Variants in CHD4 observed in about 807,000 individuals in gnomAD.
The protein encoded by CHD4 is chromodomain helicase DNA binding protein 4.
A neutral mutation model predicts 235.5 loss-of-function variants in CHD4; 35 were observed. That is an observed-to-expected ratio of 0.15 (90% confidence interval 0.11 to 0.20). CHD4 has a LOEUF of 0.20. Ranked by LOEUF, CHD4 falls within the 10% of genes least tolerant of loss-of-function variation. The pLI, the probability that CHD4 is intolerant of heterozygous loss-of-function variation, is 1.00. For synonymous variants in CHD4, 900 were observed against 850.2 expected, an observed-to-expected ratio of 1.06 and a Z score of -1.02; for missense variants, 1,329 against 2,432.3, an observed-to-expected ratio of 0.55 and a Z score of 9.54.
At position 6,592,377 on chromosome 12, in the gene CHD4, G is replaced by A; in HGVS notation, c.2948+16C>T. 1 of 1,566,546 alleles carries A rather than the reference G, an allele frequency of 6.4e-7. No homozygotes were observed. Among genetic ancestry groups the A allele is most frequent in the Non-Finnish European group, 8.7e-7 (1 of 1,156,036 alleles). On this transcript the variant is annotated intron_variant, in intron 19 of 39. Coordinates refer to ENST00000544040, the MANE Select transcript of CHD4 (RefSeq NM_001273.5). The stretch of plus-strand genomic sequence containing the variant: ...AGATGTCTAAATGGAGTCTGCTTCT[G>A]TCCCTCCCAACTCACTTCTGCATAG...
In CHD4 at chr12:6,601,665, G is replaced by A. The variant is rs1312282233; in HGVS notation, c.540C>T (p.Ala180=). Residue 180 remains alanine (A), a synonymous_variant, in exon 5 of 40, where the codon GCC becomes GCT. Coordinates refer to ENST00000544040, the MANE Select transcript of CHD4 (RefSeq NM_001273.5). ...TGTTTTACCTGACAAACTGGCTGAA[G>A]GCCTTGTAGTTGGTGAGGGTTCGAT... ...EDYRTLTNYK[A]FSQFVRPLIA... 12 of 1,614,062 alleles carry A rather than the reference G, an allele frequency of 7.4e-6. No homozygotes were observed. The highest frequency in any genetic ancestry group is 1.0e-5 in the Non-Finnish European group (12 of 1,180,016).
At chr12:6,601,813 C>T (rs373036622) in intron 4 of CHD4, 47 bp from the exon 5 acceptor site, 34 of 1,581,656 alleles carry the variant, frequency 2.1e-5, no homozygotes, top group Non-Finnish European at 2.7e-5. Flanking sequence ...CTAGTGCCCA[C>T]ACTTGCTAAG....
At chr12:6,574,158 A>G (rs1451945013) in intron 37 of CHD4, among the ~76,000 whole-genome samples, 1 of 152,034 alleles carries the variant, frequency 6.6e-6, no homozygotes, top group Non-Finnish European at 1.5e-5. Context: ...GTTTTTAAAA[A>G]CTGTTTCTGT....
At chr12:6,599,237 G>C (rs1948548494) in intron 10 of CHD4, among the ~76,000 whole-genome samples, 1 of 152,132 alleles carries the variant, frequency 6.6e-6, no homozygotes. Flanking sequence ...TTCAAGACCA[G>C]CCTGGGCAAC....
intron 37 of CHD4, among the ~76,000 whole-genome samples, chr12:6,577,347 A>G (rs1276896458): frequency 6.7e-6 from 1 of 149,038 alleles, no homozygotes; most frequent in Non-Finnish European, 1.5e-5. Context: ...ACTTAAACCC[A>G]GGACACAGAG....
intron 9 of CHD4, 47 bp downstream of exon 9, chr12:6,600,170 C>A: frequency 6.2e-7 from 1 of 1,604,904 alleles, no homozygotes; most frequent in South Asian, 1.1e-5. Flanking sequence ...TACTGTCCCA[C>A]CCTTCTTCTC....
intron 25 of CHD4, among the ~76,000 whole-genome samples, chr12:6,586,244 A>G (rs1948292367): frequency 6.6e-6 from 1 of 150,744 alleles, no homozygotes; most frequent in Non-Finnish European, 1.5e-5. Flanking sequence ...TAAAAATACA[A>G]AAAAAATTAG....
intron 25 of CHD4, 85 bp downstream of exon 25, chr12:6,587,299 C>T: frequency 1.4e-6 from 2 of 1,388,964 alleles, no homozygotes; most frequent in Non-Finnish European, 2.0e-6. Flanking sequence ...CAGATATTTT[C>T]CACTTGTCTC....
In CHD4 at chr12:6,593,251, C is replaced by T; in HGVS notation, c.2515-23G>A. ...TTTCTGCACATGAAGGCAACTTGGTCACTACTAGTCAGTTCCTCTGTGTAA... is the reference window on the plus strand; with the variant it reads ...TTTCTGCACATGAAGGCAACTTGGTTACTACTAGTCAGTTCCTCTGTGTAA... On this transcript the variant is annotated intron_variant, in intron 16 of 39. Transcript: ENST00000544040. This position sits in a 1 kb window ranked among gnomAD's most constrained non-coding sequence, Gnocchi z 4.9. The T allele has an allele frequency of 6.2e-7, 1 of 1,613,684 alleles. No homozygotes were observed. The highest frequency in any genetic ancestry group is 8.5e-7 in the Non-Finnish European group (1 of 1,179,924).
intron 22 of CHD4, among the ~76,000 whole-genome samples, chr12:6,589,821 A>T (rs1435415734): frequency 2.6e-5 from 4 of 152,140 alleles, no homozygotes; most frequent in Admixed American, 2.0e-4. Context: ...CTTGCCCAGA[A>T]TGTCTAATCT....
At chr12:6,586,345 G>A (rs1052471995) in intron 25 of CHD4, among the ~76,000 whole-genome samples, 2 of 150,744 alleles carry the variant, frequency 1.3e-5, no homozygotes, top group East Asian at 2.0e-4. Context: ...AGCTTGCAGT[G>A]AGCCAAGATC....
chr12:6,573,449 C>T (rs1464732262), intron 37 of CHD4, 180 bp from the exon 38 acceptor site: 1 of 419,836 alleles, frequency 2.4e-6, no homozygotes, highest in East Asian at 3.7e-5. Flanking sequence ...TTTTTCTTTC[C>T]CTTTTTCAAT....
At chr12:6,594,324 G>GTT (rs1948448487) in intron 15 of CHD4, 135 bp downstream of exon 15, 5 of 697,540 alleles carry the variant, frequency 7.2e-6, no homozygotes, top group East Asian at 2.7e-5. Flanking sequence ...GTGTACATGT[G>GTT]TTTATCTATT....
At chr12:6,594,841 T>G (rs775180248) in intron 14 of CHD4, among the ~76,000 whole-genome samples, 191 bp from the exon 15 acceptor site, 19 of 152,172 alleles carry the variant, frequency 1.2e-4, no homozygotes, top group Non-Finnish European at 2.2e-4. Flanking sequence ...AAACAGGGCT[T>G]AACCAGACCT....
intron 29 of CHD4, 135 bp downstream of exon 29, chr12:6,582,480 C>G (rs1451301655): frequency 3.0e-5 from 42 of 1,385,914 alleles, no homozygotes; most frequent in Non-Finnish European, 4.0e-5. Flanking sequence ...GAACACATTA[C>G]TAACAGCTTC....
chr12:6,574,583 C>T (rs1211317473), intron 37 of CHD4, among the ~76,000 whole-genome samples: 1 of 152,158 alleles, frequency 6.6e-6, no homozygotes, highest in African/African-American at 2.4e-5. Context: ...CTAGTGTCAG[C>T]CAGCAGTTCT....
intron 33 of CHD4, 60 bp downstream of exon 33, chr12:6,580,984 C>T (rs1302483961): frequency 6.9e-6 from 11 of 1,583,062 alleles, no homozygotes; most frequent in Middle Eastern, 1.7e-4. Context: ...TCCAGCCTGG[C>T]GGCAGCACTA....
intron 37 of CHD4, among the ~76,000 whole-genome samples, chr12:6,574,028 A>T (rs181591590): frequency 5.3e-5 from 8 of 152,292 alleles, no homozygotes; most frequent in Admixed American, 5.2e-4. Context: ...CTCAAAAAAA[A>T]AGGGGTTATT....
chr12:6,602,134 C>T lies in CHD4; in HGVS notation c.264G>A (p.Glu88=), dbSNP rs200434455. The T allele has an allele frequency of 1.2e-6, 2 of 1,613,930 alleles. No individual in the cohort carries two copies. Among genetic ancestry groups the T allele is most frequent in the Non-Finnish European group, 1.7e-6 (2 of 1,179,952 alleles). The change falls in exon 4 of 40, where the codon GAG becomes GAA. Residue 88 remains glutamate, a synonymous_variant. Coordinates refer to ENST00000544040, the MANE Select transcript of CHD4 (RefSeq NM_001273.5). Reference sequence around the variant, plus strand: ...CCTCCTCCTCCACAAACTCTGGCCCCTCCCCAGAGCTGTCCCCCAGCTGCC... The same window carrying T: ...CCTCCTCCTCCACAAACTCTGGCCCTTCCCCAGAGCTGTCCCCCAGCTGCC... The part of the protein sequence containing the change: ...LCRQLGDSSG[E]GPEFVEEEEE...
Sources: gnomAD v4.1 joint callset for allele counts (sites outside exome capture counted in the v4.1 genomes callset) on GRCh38, gnomAD v4.1.1 for gene constraint, Gnocchi (gnomAD v3.1) non-coding constraint, MANE v1.5 for transcripts, NCBI Gene and HGNC (gene_info 2026-07-23, HGNC 2026-07-21) for gene names.